The following CRYBG3 variants were observed in gnomAD, a reference collection of about 807,000 sequenced individuals.
CRYBG3 encodes very large A-kinase anchor protein.
CRYBG3 carries 127 observed loss-of-function variants against 244.2 expected under a neutral mutation model. The observed-to-expected ratio is 0.52, with a 90% CI of 0.45 to 0.60. The LOEUF (loss-of-function observed/expected upper bound fraction) is 0.60. Among genes scored for constraint, CRYBG3 ranks in the 20% least tolerant of loss-of-function variants. CRYBG3 has a pLI of 0.00. For missense variants in CRYBG3, 3,325 were observed against 3,442.5 expected (o/e 0.97, Z 0.85); for synonymous variants, 1,132 against 1,195.8 (o/e 0.95, Z 1.10).
At position 97,944,423 on chromosome 3, in the gene CRYBG3, T is replaced by C. The variant is rs2040303287; in HGVS notation, c.*1109T>C. 1 of 152,304 alleles carries C rather than the reference T, an allele frequency of 6.6e-6. No homozygotes were observed. The highest frequency in any genetic ancestry group is 2.4e-5 in the African/African-American group (1 of 41,388). The allele number at this position is 152,304 out of a possible 1,614,324, so 9.4% of individuals were successfully genotyped here. ...CTTTTTTTCCTTTTATCCCCAACTT[T>C]TGCCAGAAAGCAGAAAAATGCTCTA... On this transcript the variant is annotated 3_prime_UTR_variant, in exon 22 of 22. Coordinates refer to ENST00000389622, the MANE Select transcript of CRYBG3 (RefSeq NM_153605.4).
In CRYBG3 at chr3:97,874,250, ATTC is replaced by A. The variant is rs1225055261; in HGVS notation, c.3061_3063del (p.Ser1021del). The A allele has an allele frequency of 2.6e-6, 4 of 1,535,178 alleles. No homozygotes were observed. Among genetic ancestry groups the A allele is most frequent in the East Asian group, 2.4e-5 (1 of 40,900 alleles). ...GATTCTGATTCCAGTTTGGAAAAAA[ATTC>A]TTCTGCATCTGAGGACTCAAGCTTC... On this transcript the variant is annotated inframe_deletion, in exon 4 of 22. Transcript: ENST00000389622.
chr3:97,860,441 G>A (rs764733389), intron 2 of CRYBG3, among the ~76,000 whole-genome samples: 1 of 152,146 alleles, frequency 6.6e-6, no homozygotes, highest in Non-Finnish European at 1.5e-5. Context: ...TTACAGTGGA[G>A]GGGTCTGCTA....
At position 97,874,783 on chromosome 3, in the gene CRYBG3, C is replaced by T; in HGVS notation, c.3589C>T (p.Leu1197Phe). Residue 1197 changes from leucine (L) to phenylalanine (F), a missense_variant, in exon 4 of 22, where the codon CTC (leucine) becomes TTC (phenylalanine). Transcript: ENST00000389622. ...DQLLDLKSSL[L>F]KKADTLIGEI... ...ACTTTTGGACCTCAAAAGTAGTTTA[C>T]TCAAAAAGGCCGATACATTGATTGG... is the stretch of plus-strand genomic sequence containing the variant. 2 of 1,536,004 alleles carry T rather than the reference C, an allele frequency of 1.3e-6. No individual in the cohort carries two copies. The highest frequency in any genetic ancestry group is 1.7e-6 in the Non-Finnish European group (2 of 1,146,888).
intron 17 of CRYBG3, among the ~76,000 whole-genome samples, chr3:97,920,644 C>T (rs1190821286): frequency 6.6e-6 from 1 of 152,098 alleles, no homozygotes; most frequent in African/African-American, 2.4e-5. Context: ...ATTCTCATGC[C>T]TCAGCCTCCC....
At position 97,872,218 on chromosome 3, in the gene CRYBG3, G is replaced by A. The variant is rs1265618618; in HGVS notation, c.1024G>A (p.Glu342Lys). 2.0e-6 allele frequency: 3 copies of A among 1,535,556 alleles called. No individual in the cohort carries two copies. The highest frequency in any genetic ancestry group is 1.4e-5 in the African/African-American group (1 of 73,022). The change falls in exon 4 of 22, where the codon GAG (glutamate) becomes AAG (lysine). Residue 342 changes from glutamate to lysine, a missense_variant. Coordinates refer to ENST00000389622, the MANE Select transcript of CRYBG3 (RefSeq NM_153605.4). ...AAATAAAAATGCTTGGGGGAGTATT[G>A]AGAGAAATAGGTCATCCCCTTCTTC... The part of the protein sequence containing the change: ...LLNKNAWGSI[E>K]RNRSSPSSVT...
intron 12 of CRYBG3, 63 bp downstream of exon 12, chr3:97,896,148 C>G: frequency 6.8e-7 from 1 of 1,460,448 alleles, no homozygotes; most frequent in Non-Finnish European, 9.4e-7. Context: ...AAAAATTGGA[C>G]ATGACTCCTG....
At chr3:97,913,239 C>G (rs914511239) in intron 16 of CRYBG3, among the ~76,000 whole-genome samples, 12 of 152,152 alleles carry the variant, frequency 7.9e-5, no homozygotes, top group African/African-American at 2.9e-4. Context: ...CAAGTTCAAG[C>G]TCTTTCTTTT....
intron 12 of CRYBG3, among the ~76,000 whole-genome samples, chr3:97,897,930 A>C (rs2039657657): frequency 6.6e-6 from 1 of 152,212 alleles, no homozygotes; most frequent in Non-Finnish European, 1.5e-5. Flanking sequence ...TTAAGAAATG[A>C]AAGTTTTGGG....
intron 2 of CRYBG3, among the ~76,000 whole-genome samples, chr3:97,843,736 T>C (rs576001679): frequency 3.9e-5 from 6 of 152,328 alleles, no homozygotes; most frequent in Non-Finnish European, 7.3e-5. Flanking sequence ...TCTTGGCTTC[T>C]CTAAGAGGAC....
chr3:97,822,333 G>T lies in CRYBG3; in HGVS notation c.127G>T (p.Ala43Ser), dbSNP rs765577005. 4.8e-5 allele frequency: 73 copies of T among 1,507,850 alleles called. No homozygotes were observed. In the East Asian group the frequency reaches 1.9e-3, roughly 40 times the overall value. 93.4% of individuals were successfully genotyped at this position (1,507,850 alleles called of 1,614,324 possible). A position where few individuals can be genotyped will look rare whatever the true frequency, so the allele number is the denominator to read the frequency against. ...EERPGTSPPP[A>S]PGRSAASVEN... ...GAGGCCGGGGACGAGCCCGCCTCCA[G>T]CTCCAGGCCGGTCCGCTGCCAGGTG... The change falls in exon 1 of 22, where the codon GCT becomes TCT. Residue 43 changes from alanine to serine, a missense_variant. Ala to Ser is a moderately conservative substitution (Grantham distance 99, BLOSUM62 1). Transcript: ENST00000389622.
chr3:97,849,438 T>TAA (rs149006625), intron 2 of CRYBG3, among the ~76,000 whole-genome samples: 2 of 146,292 alleles, frequency 1.4e-5, no homozygotes, highest in African/African-American at 5.0e-5. Context: ...TGATTGCTTC[T>TAA]AAAAAAAAAA....
At position 97,873,390 on chromosome 3, in the gene CRYBG3, C is replaced by G; in HGVS notation, c.2196C>G (p.Phe732Leu). Reference protein sequence around the residue: ...CLEYTSAIFEFKEVLSNSEKC... With the variant: ...CLEYTSAIFELKEVLSNSEKC... ...AATATACATCTGCAATTTTTGAATT[C>G]AAAGAAGTTCTTTCTAATAGTGAAA... is the stretch of plus-strand genomic sequence containing the variant. The change falls in exon 4 of 22, where the codon TTC becomes TTG. Residue 732 changes from phenylalanine (F) to leucine (L), a missense_variant. Coordinates refer to ENST00000389622, the MANE Select transcript of CRYBG3 (RefSeq NM_153605.4). The G allele has an allele frequency of 6.5e-7, 1 of 1,535,718 alleles. No individual in the cohort carries two copies. The highest frequency in any genetic ancestry group is 1.2e-5 in the South Asian group (1 of 83,962).
At position 97,856,036 on chromosome 3, in the gene CRYBG3, G is replaced by A. The variant is rs557613364; in HGVS notation, c.217-8181G>A. Among the ~76,000 whole-genome samples, 54 of 152,166 alleles carry A rather than the reference G, an allele frequency of 3.5e-4. No individual in the cohort carries two copies. In the South Asian group the frequency reaches 3.9e-3, roughly 11 times the overall value. ...TCCTCTTCCTAATAAGCCTGGGAGC[G>A]CTATGGGAGACTGGGGTCTATTTCA... On this transcript the variant is annotated intron_variant, in intron 2 of 21. Transcript: ENST00000389622.
intron 16 of CRYBG3, among the ~76,000 whole-genome samples, chr3:97,913,743 G>C (rs2039898269): frequency 6.6e-6 from 1 of 151,984 alleles, no homozygotes; most frequent in Non-Finnish European, 1.5e-5. Flanking sequence ...CATTTGTTTG[G>C]GCTATACACT....
At chr3:97,822,495 C>T in intron 1 of CRYBG3, 140 bp downstream of exon 1, 1 of 769,420 alleles carries the variant, frequency 1.3e-6, no homozygotes, top group South Asian at 2.2e-5. Context: ...TCCTCCATTG[C>T]TAAAGTTTCC....
chr3:97,901,658 A>C (rs193299240), intron 15 of CRYBG3, among the ~76,000 whole-genome samples: 90 of 152,350 alleles, frequency 5.9e-4, no homozygotes, highest in Middle Eastern at 6.8e-3. Context: ...GAGTAGATAG[A>C]AGAAAGAGAA....
chr3:97,826,694 A>G (rs191511952), intron 1 of CRYBG3, among the ~76,000 whole-genome samples: 90 of 152,370 alleles, frequency 5.9e-4, no homozygotes, highest in Middle Eastern at 6.8e-3. Flanking sequence ...AGTCTGTTCA[A>G]TCCATAAGTT....
At chr3:97,827,623 A>G (rs1212874954) in intron 1 of CRYBG3, among the ~76,000 whole-genome samples, 2 of 152,218 alleles carry the variant, frequency 1.3e-5, no homozygotes, top group Non-Finnish European at 2.9e-5. Flanking sequence ...ACTAACCTTT[A>G]TTAAGGCCCT....
At chr3:97,923,284 A>G (rs951519306) in intron 17 of CRYBG3, among the ~76,000 whole-genome samples, 1 of 152,128 alleles carries the variant, frequency 6.6e-6, no homozygotes. Flanking sequence ...ACATGTATAC[A>G]TATGTAACAA....
Sources: gnomAD v4.1 joint callset for allele counts (sites outside exome capture counted in the v4.1 genomes callset) on GRCh38, gnomAD v4.1.1 for gene constraint, MANE v1.5 for transcripts, NCBI Gene and HGNC (gene_info 2026-07-23, HGNC 2026-07-21) for gene names.